Variants in NFIB observed in about 807,000 individuals in gnomAD.
NFIB encodes nuclear factor 1 B-type.
A neutral mutation model predicts 61.5 loss-of-function variants in NFIB; 11 were observed. The ratio of observed to expected loss-of-function variants is 0.18; its 90% confidence interval spans 0.11 to 0.30. The LOEUF (loss-of-function observed/expected upper bound fraction) is 0.30, where lower values mean the gene tolerates loss of function less well. Among genes scored for constraint, NFIB ranks in the 10% least tolerant of loss-of-function variants. The probability of loss-of-function intolerance (pLI) is 1.00; values close to 1 mark genes in which losing one functional copy is unlikely to be tolerated. For missense variants in NFIB, 471 were observed against 608.9 expected (o/e 0.77, Z 2.38); for synonymous variants, 260 against 216.5 (o/e 1.20, Z -1.76).
chr9:14,201,317 C>A (rs1052009083), intron 2 of NFIB, among the ~76,000 whole-genome samples: 1 of 152,154 alleles, frequency 6.6e-6, no homozygotes, highest in East Asian at 1.9e-4. Flanking sequence ...CTGGCCCCAG[C>A]CTAGCCTCAC....
chr9:14,106,997 A>G (rs980634786), intron 10 of NFIB, among the ~76,000 whole-genome samples: 1 of 152,038 alleles, frequency 6.6e-6, no homozygotes, highest in Non-Finnish European at 1.5e-5. Flanking sequence ...TACGTTTACA[A>G]TGGCCCTCAG....
the NFIB span, among the ~76,000 whole-genome samples, chr9:14,422,717 T>G: frequency 3.9e-5 from 6 of 152,292 alleles, no homozygotes; most frequent in African/African-American, 1.4e-4. Context: ...GCTAGAAGAA[T>G]ATGGTACAAA....
At chr9:14,251,211 T>A (rs940131585) in intron 2 of NFIB, among the ~76,000 whole-genome samples, 8 of 152,224 alleles carry the variant, frequency 5.3e-5, no homozygotes, top group Admixed American at 3.9e-4. Context: ...GAACTCCAGG[T>A]GCAATCACTG....
At chr9:14,310,969 C>A (rs2060252262) in intron 1 of NFIB, among the ~76,000 whole-genome samples, 2 of 152,094 alleles carry the variant, frequency 1.3e-5, no homozygotes, top group South Asian at 4.1e-4. Flanking sequence ...AAAAATGTAC[C>A]TAAAGAACTT....
chr9:14,216,623 G>A (rs549374692), intron 2 of NFIB, among the ~76,000 whole-genome samples: 1 of 150,782 alleles, frequency 6.6e-6, no homozygotes, highest in South Asian at 2.1e-4. Flanking sequence ...CCCTACAAAA[G>A]AGAGTGAACC....
At chr9:14,102,299 A>G in intron 10 of NFIB, 3 of 764,398 alleles carry the variant, frequency 3.9e-6, no homozygotes, top group Non-Finnish European at 6.3e-6. Context: ...GGAAAGAAGA[A>G]TGGCATAGCC....
intron 3 of NFIB, among the ~76,000 whole-genome samples, chr9:14,164,028 T>C (rs1587198770): frequency 6.6e-6 from 1 of 151,272 alleles, no homozygotes; most frequent in East Asian, 1.9e-4. Flanking sequence ...ACCCATTACT[T>C]ACCATAAAAG....
Position 14,083,918 on chromosome 9 carries a change from C to A in NFIB, c.*4391G>T, listed in dbSNP as rs149097809. Reference sequence around the variant, plus strand: ...TGAAACTTAACCTTAAATACCATCACGTAACAATCACAAAAACTTTTGCTA... The same window carrying A: ...TGAAACTTAACCTTAAATACCATCAAGTAACAATCACAAAAACTTTTGCTA... On this transcript the variant is annotated 3_prime_UTR_variant, in exon 11 of 11. Transcript: ENST00000380953. 4.5e-6 allele frequency: 1 copy of A among 221,930 alleles called. No homozygotes were observed. Among genetic ancestry groups the A allele is most frequent in the Non-Finnish European group, 9.0e-6 (1 of 110,834 alleles). 13.7% of individuals were successfully genotyped at this position (221,930 alleles called of 1,614,324 possible). A position where few individuals can be genotyped will look rare whatever the true frequency, so the allele number is the denominator to read the frequency against.
chr9:14,343,404 C>G (rs1283563247), intron 1 of NFIB, among the ~76,000 whole-genome samples: 1 of 152,102 alleles, frequency 6.6e-6, no homozygotes, highest in Admixed American at 6.5e-5. Context: ...CTCAGCCTCA[C>G]CCTTGCAGCC....
intron 2 of NFIB, among the ~76,000 whole-genome samples, chr9:14,198,267 G>C (rs1483149577): frequency 6.6e-6 from 1 of 152,108 alleles, no homozygotes; most frequent in Non-Finnish European, 1.5e-5. Context: ...CTACGGGGAG[G>C]GAGCCTTCTA....
At chr9:14,100,181 A>T (rs942277416) in intron 10 of NFIB, among the ~76,000 whole-genome samples, 3 of 152,190 alleles carry the variant, frequency 2.0e-5, no homozygotes, top group Non-Finnish European at 4.4e-5. Flanking sequence ...AAAAGTTACA[A>T]TTTTTGAGAG....
the NFIB span, among the ~76,000 whole-genome samples, chr9:14,477,558 T>G: frequency 6.6e-6 from 1 of 152,174 alleles, no homozygotes. Context: ...GATGTGCTGG[T>G]TGGTTGCCAT....
chr9:14,459,195 C>T, the NFIB span, among the ~76,000 whole-genome samples: 5 of 152,098 alleles, frequency 3.3e-5, no homozygotes, highest in African/African-American at 7.2e-5. Flanking sequence ...CAGAACAGAG[C>T]CCTCAGAAAT....
rs1400708905 is a variant in NFIB, at chr9:14,158,124, AAACAAAACAAAAC to A, written c.617-2244_617-2232del. ...AGACTCCATCTCAAAAAAAAAAAAA[AAACAAAACAAAAC>A]AAAAAAACAAAACAACCTCCTTTAT... On this transcript the variant is annotated intron_variant, in intron 3 of 10. Transcript: ENST00000380953. 1.4e-3 allele frequency among the ~76,000 whole-genome samples: 217 copies of A among 151,590 alleles called. 2 individuals are homozygous for A. Among genetic ancestry groups the A allele is most frequent in the Middle Eastern group, 3.4e-3 (1 of 290 alleles).
intron 2 of NFIB, among the ~76,000 whole-genome samples, chr9:14,304,416 C>G (rs1460411119): frequency 2.0e-5 from 3 of 152,134 alleles, no homozygotes; most frequent in Non-Finnish European, 4.4e-5. Flanking sequence ...TGGAAATTGT[C>G]AATATATTGT....
intron 2 of NFIB, among the ~76,000 whole-genome samples, chr9:14,267,706 CCT>C (rs1254500316): frequency 2.0e-5 from 3 of 152,154 alleles, no homozygotes; most frequent in African/African-American, 7.2e-5. Flanking sequence ...CAGTGAGCCC[CCT>C]GAGGGCAGAG....
At chr9:14,431,754 G>A in the NFIB span, among the ~76,000 whole-genome samples, 784 of 151,984 alleles carry the variant, frequency 5.2e-3, 15 homozygotes, top group Admixed American at 0.03. Context: ...TGTCATCCAG[G>A]GGAAAAAGGC....
chr9:14,174,766 C>CAAAAA (rs546288962), intron 3 of NFIB, among the ~76,000 whole-genome samples: 2 of 56,010 alleles, frequency 3.6e-5, no homozygotes, highest in Non-Finnish European at 4.3e-5. Context: ...GACTCCATCT[C>CAAAAA]AAAAAAAAAA....
chr9:14,427,939 T>TTTTTTG, the NFIB span, among the ~76,000 whole-genome samples: 1 of 70,666 alleles, frequency 1.4e-5, no homozygotes, highest in Non-Finnish European at 2.5e-5. Flanking sequence ...ATTCAGTTGT[T>TTTTTTG]TTTTTTTTTT....
Sources: allele counts gnomAD v4.1 joint callset (sites outside exome capture counted in the v4.1 genomes callset), GRCh38; gene constraint gnomAD v4.1.1; transcripts MANE v1.5; gene names NCBI Gene and HGNC (gene_info 2026-07-23, HGNC 2026-07-21).